The following CLEC9A variants were observed in gnomAD, a reference collection of about 807,000 sequenced individuals.
CLEC9A encodes C-type lectin domain family 9 member A.
A neutral mutation model predicts 30.0 loss-of-function variants in CLEC9A; 24 were observed. The observed-to-expected ratio is 0.80, with a 90% CI of 0.58 to 1.13. CLEC9A has a LOEUF of 1.13. Ranked by LOEUF, CLEC9A falls within the 50% of genes most tolerant of loss-of-function variation. CLEC9A has a pLI of 0.00. For missense variants in CLEC9A, 251 were observed against 280.9 expected (o/e 0.89, Z 0.76); for synonymous variants, 111 against 96.8 (o/e 1.15, Z -0.86).
At position 10,065,577 on chromosome 12, in the gene CLEC9A, G is replaced by A. The variant is rs1474137995; in HGVS notation, c.671G>A (p.Cys224Tyr). ...AGCAATTCCCTTCTTTCGTCTAACT[G>A]CAGCACGTGGAAGTATTTTATCTGT... ...VKSNSLLSSN[C>Y]STWKYFICEK... The change falls in exon 9 of 9, where the codon TGC becomes TAC. Residue 224 changes from cysteine (C) to tyrosine (Y), a missense_variant. Transcript: ENST00000355819. 2 of 1,613,926 alleles carry A rather than the reference G, an allele frequency of 1.2e-6. No homozygotes were observed. The highest frequency in any genetic ancestry group is 1.7e-6 in the Non-Finnish European group (2 of 1,179,870).
intron 1 of CLEC9A, among the ~76,000 whole-genome samples, chr12:10,032,175 C>T (rs1456070297): frequency 1.3e-5 from 2 of 152,184 alleles, no homozygotes; most frequent in South Asian, 4.1e-4. Flanking sequence ...GGCATAGCCA[C>T]TTTGGAAGGC....
intron 7 of CLEC9A, 146 bp from the exon 8 acceptor site, chr12:10,064,586 G>A (rs987388997): frequency 2.5e-6 from 2 of 788,130 alleles, no homozygotes; most frequent in Non-Finnish European, 3.8e-6. Flanking sequence ...AAATGTATCG[G>A]CACTTTTTTA....
chr12:10,053,423 A>G lies in CLEC9A; in HGVS notation c.91+645A>G, dbSNP rs193157951. Reference sequence around the variant, plus strand: ...ATTTATTGCTTTCCTTGGCTCATGGACCCTTCTTCTGTCTTGAAAGCCAAC... The same window carrying G: ...ATTTATTGCTTTCCTTGGCTCATGGGCCCTTCTTCTGTCTTGAAAGCCAAC... On this transcript the variant is annotated intron_variant, in intron 4 of 8. Transcript: ENST00000355819. Among the ~76,000 whole-genome samples, 57 of 152,140 alleles carry G rather than the reference A, an allele frequency of 3.7e-4. No homozygotes were observed. In the East Asian group the frequency reaches 9.9e-3, roughly 26 times the overall value.
chr12:10,045,265 C>G (rs922082150), intron 2 of CLEC9A, among the ~76,000 whole-genome samples: 1 of 152,152 alleles, frequency 6.6e-6, no homozygotes, highest in Admixed American at 6.5e-5. Flanking sequence ...TGTTCCCTTG[C>G]TCCTTAATCT....
chr12:10,039,272 TC>T (rs981209378), intron 1 of CLEC9A, among the ~76,000 whole-genome samples: 25 of 152,198 alleles, frequency 1.6e-4, no homozygotes, highest in African/African-American at 5.8e-4. Context: ...TACCGAAGGG[TC>T]ATGGCATATC....
chr12:10,035,250 C>T (rs1428429951), intron 1 of CLEC9A, among the ~76,000 whole-genome samples: 1 of 152,180 alleles, frequency 6.6e-6, no homozygotes. Context: ...AGGATGGGGA[C>T]ATGCGGGCCA....
chr12:10,054,960 T>A lies in CLEC9A; in HGVS notation c.172+609T>A, dbSNP rs187386649. On this transcript the variant is annotated intron_variant, in intron 5 of 8. Transcript: ENST00000355819. Reference sequence around the variant, plus strand: ...TGTAGATGTTTCTTTCTTATATGCCTTTGCAAATCATATCTCTATCTAAAA... The same window carrying A: ...TGTAGATGTTTCTTTCTTATATGCCATTGCAAATCATATCTCTATCTAAAA... Among the ~76,000 whole-genome samples the A allele has an allele frequency of 1.8e-3, 269 of 152,328 alleles. 4 individuals carry two copies. Among genetic ancestry groups the A allele is most frequent in the Non-Finnish European group, 2.4e-4 (16 of 68,022 alleles).
chr12:10,037,567 A>T (rs898163826), intron 1 of CLEC9A, among the ~76,000 whole-genome samples: 1 of 152,142 alleles, frequency 6.6e-6, no homozygotes, highest in East Asian at 1.9e-4. Flanking sequence ...CCATGTAGAC[A>T]CGCCAATTCA....
intron 5 of CLEC9A, among the ~76,000 whole-genome samples, chr12:10,055,354 G>T (rs905801559): frequency 1.3e-5 from 2 of 152,204 alleles, no homozygotes; most frequent in African/African-American, 4.8e-5. Flanking sequence ...TAAAAGACCA[G>T]TTCAGTCAAT....
At chr12:10,048,160 G>C (rs183415536) in intron 2 of CLEC9A, among the ~76,000 whole-genome samples, 3,004 of 150,472 alleles carry the variant, frequency 0.02, 111 homozygotes, top group African/African-American at 0.07. Context: ...GTGAACCCGG[G>C]AAGCGGAGCT....
intron 7 of CLEC9A, among the ~76,000 whole-genome samples, chr12:10,063,868 G>A (rs1386449608): frequency 6.6e-6 from 1 of 152,044 alleles, no homozygotes; most frequent in Non-Finnish European, 1.5e-5. Context: ...ATTAGGCTGG[G>A]ATGGTGGTGG....
At chr12:10,064,671 A>G (rs1866026821) in intron 7 of CLEC9A, 61 bp from the exon 8 acceptor site, 1 of 1,535,212 alleles carries the variant, frequency 6.5e-7, no homozygotes, top group Non-Finnish European at 8.8e-7. Context: ...CACACTTTAT[A>G]TTTCACTAGA....
rs570521119 is a variant in CLEC9A at position 10,032,536 on chromosome 12, A to G, written c.-318+1564A>G. The stretch of plus-strand genomic sequence containing the variant: ...CTCTCGAGTAGCTGGGACTAAAGGC[A>G]CCCGCCACCAAGCCTGGCTAATTTT... On this transcript the variant is annotated intron_variant, in intron 1 of 8. Transcript: ENST00000355819. Among the ~76,000 whole-genome samples the G allele has an allele frequency of 4.8e-3, 729 of 151,752 alleles. 1 individual carries two copies. Among genetic ancestry groups the G allele is most frequent in the Admixed American group, 0.011 (160 of 15,230 alleles).
chr12:10,058,585 C>T (rs938952865), intron 5 of CLEC9A, among the ~76,000 whole-genome samples: 1 of 152,172 alleles, frequency 6.6e-6, no homozygotes, highest in Non-Finnish European at 1.5e-5. Context: ...GGCCGGAGTG[C>T]GGAGTGCAGA....
At chr12:10,048,230 A>C (rs1865864350) in intron 2 of CLEC9A, among the ~76,000 whole-genome samples, 1 of 133,766 alleles carries the variant, frequency 7.5e-6, no homozygotes. Context: ...ACAGAGCGAG[A>C]CTCCGTCTCA....
intron 2 of CLEC9A, among the ~76,000 whole-genome samples, chr12:10,050,407 G>A (rs1865882966): frequency 6.6e-6 from 1 of 152,106 alleles, no homozygotes; most frequent in African/African-American, 2.4e-5. Context: ...TATCTGCAAA[G>A]CGCAATAATG....
rs189469055 is a variant in CLEC9A at position 10,058,325 on chromosome 12, A to G, written c.173-2802A>G. On this transcript the variant is annotated intron_variant, in intron 5 of 8. Coordinates refer to ENST00000355819, the MANE Select transcript of CLEC9A (RefSeq NM_207345.4). ...TTATTAATAGGATAAAAATCAGAGC[A>G]TCACTGTTCTACACTTGACTCTGGT... Among the ~76,000 whole-genome samples, 111 of 152,296 alleles carry G rather than the reference A, an allele frequency of 7.3e-4. 1 individual carries two copies. The highest frequency in any genetic ancestry group is 3.4e-3 in the Middle Eastern group (1 of 294).
chr12:10,052,893 A>G lies in CLEC9A; in HGVS notation c.91+115A>G, dbSNP rs1193136501. The G allele has an allele frequency of 8.6e-6, 10 of 1,165,070 alleles. No individual in the cohort carries two copies. In the East Asian group the frequency reaches 2.5e-4, roughly 30 times the overall value. 72.2% of individuals were successfully genotyped at this position (1,165,070 alleles called of 1,614,324 possible). On this transcript the variant is annotated intron_variant, in intron 4 of 8. Transcript: ENST00000355819. ...AATCCGAGATAATCTACCTAAGGGT[A>G]CTGTAATGTCCGTGAAATGCTAATG...
At chr12:10,036,202 G>T (rs1261262870) in intron 1 of CLEC9A, among the ~76,000 whole-genome samples, 4 of 152,014 alleles carry the variant, frequency 2.6e-5, no homozygotes, top group Admixed American at 6.6e-5. Context: ...CATAATTTTG[G>T]TCTGATAGTT....
Sources: allele counts gnomAD v4.1 joint callset (sites outside exome capture counted in the v4.1 genomes callset), GRCh38; gene constraint gnomAD v4.1.1; transcripts MANE v1.5; gene names NCBI Gene and HGNC (gene_info 2026-07-23, HGNC 2026-07-21).